SNX29: variants seen among roughly 807,000 people sequenced by gnomAD.
SNX29 encodes sorting nexin-29.
A neutral mutation model predicts 102.1 loss-of-function variants in SNX29; 78 were observed. The observed-to-expected ratio is 0.76, with a 90% CI of 0.64 to 0.92. The LOEUF is 0.92. SNX29 is among the 40% of genes least tolerant of loss of function. The pLI, the probability that SNX29 is intolerant of heterozygous loss-of-function variation, is 0.00. For synonymous variants in SNX29, 580 were observed against 414.5 expected (o/e 1.40, Z -4.85); for missense variants, 1,280 against 1,061.7 (o/e 1.21, Z -2.86).
At chr16:12,420,784 T>G (rs903882240) in intron 18 of SNX29, among the ~76,000 whole-genome samples, 1 of 152,180 alleles carries the variant, frequency 6.6e-6, no homozygotes, top group Non-Finnish European at 1.5e-5. Context: ...GATGGACGCA[T>G]GAGTCACCAA....
intron 18 of SNX29, among the ~76,000 whole-genome samples, chr16:12,437,270 C>G (rs1370753807): frequency 6.6e-6 from 1 of 152,176 alleles, no homozygotes; most frequent in East Asian, 1.9e-4. Flanking sequence ...TGGTCTGTTT[C>G]TTTTCTCTTT....
chr16:12,014,034 T>C (rs999082296), intron 3 of SNX29, among the ~76,000 whole-genome samples: 1 of 152,086 alleles, frequency 6.6e-6, no homozygotes, highest in African/African-American at 2.4e-5. Context: ...TGGCCTCAAG[T>C]GATCCTCCCT....
intron 19 of SNX29, among the ~76,000 whole-genome samples, chr16:12,516,731 A>G (rs1166307016): frequency 1.3e-5 from 2 of 152,326 alleles, no homozygotes; most frequent in African/African-American, 2.4e-5. Flanking sequence ...TGGAAATGCA[A>G]AATCACCTCT....
chr16:12,527,407 C>T, intron 20 of SNX29: 1 of 451,880 alleles, frequency 2.2e-6, no homozygotes, highest in Non-Finnish European at 4.2e-6. Context: ...ACCCCCAAAG[C>T]ATAATTATTC....
At chr16:12,331,131 G>A (rs2081280586) in intron 15 of SNX29, among the ~76,000 whole-genome samples, 1 of 152,206 alleles carries the variant, frequency 6.6e-6, no homozygotes, top group Non-Finnish European at 1.5e-5. Flanking sequence ...GCTGGTATGA[G>A]CTTGGCAGGC....
intron 15 of SNX29, among the ~76,000 whole-genome samples, chr16:12,304,656 G>T (rs1376568042): frequency 6.6e-6 from 1 of 152,186 alleles, no homozygotes; most frequent in Non-Finnish European, 1.5e-5. Context: ...GCCTCCCAAA[G>T]TGTTGGGATT....
intron 19 of SNX29, among the ~76,000 whole-genome samples, chr16:12,488,645 C>G (rs2088376610): frequency 6.6e-6 from 1 of 152,158 alleles, no homozygotes; most frequent in Non-Finnish European, 1.5e-5. Context: ...CGTCCTATGT[C>G]CCTTCACTTC....
At chr16:12,148,760 C>T (rs1288388144) in intron 13 of SNX29, among the ~76,000 whole-genome samples, 5 of 152,072 alleles carry the variant, frequency 3.3e-5, no homozygotes, top group African/African-American at 9.7e-5. Context: ...TACAATGGCA[C>T]GATCTTGGCT....
intron 16 of SNX29, among the ~76,000 whole-genome samples, chr16:12,376,736 C>CAAA (rs71408262): frequency 0.46 from 35,944 of 77,554 alleles, 9,166 homozygotes; most frequent in Non-Finnish European, 0.55. Context: ...GACTCTGTCT[C>CAAA]AAAAAAAAAA....
intron 17 of SNX29, among the ~76,000 whole-genome samples, chr16:12,399,794 T>C (rs1376841919): frequency 6.6e-6 from 1 of 151,784 alleles, no homozygotes. Flanking sequence ...AGGTGAAGGA[T>C]GAAAATCAAA....
chr16:12,476,507 A>G (rs2087660048), intron 18 of SNX29, among the ~76,000 whole-genome samples: 1 of 139,220 alleles, frequency 7.2e-6, no homozygotes, highest in Non-Finnish European at 1.5e-5. Context: ...CAAATTAGAG[A>G]TGGGTATTTC....
At chr16:12,092,368 C>CA (rs1193648344) in intron 11 of SNX29, among the ~76,000 whole-genome samples, 2 of 152,110 alleles carry the variant, frequency 1.3e-5, no homozygotes, top group African/African-American at 4.8e-5. Flanking sequence ...GTGCATTCTG[C>CA]AGGAATGAAT....
At chr16:12,042,296 T>G (rs968588897) in intron 4 of SNX29, among the ~76,000 whole-genome samples, 18 of 152,204 alleles carry the variant, frequency 1.2e-4, no homozygotes, top group African/African-American at 4.3e-4. Flanking sequence ...TCCCAAGTGC[T>G]GGGATTACAG....
At position 12,046,760 on chromosome 16, in the gene SNX29, C is replaced by T. The variant is rs1327440342; in HGVS notation, c.499+306C>T. On this transcript the variant is annotated intron_variant, in intron 6 of 20. Coordinates refer to ENST00000566228, the MANE Select transcript of SNX29 (RefSeq NM_032167.5). ...TCAACCTTCCGAGAAGCTGGGATTA[C>T]GGGCGCCTGCCACCATGACCAGCTA... Among the ~76,000 whole-genome samples, 6 of 152,176 alleles carry T rather than the reference C, an allele frequency of 3.9e-5. No individual in the cohort carries two copies. In the East Asian group the frequency reaches 5.8e-4, roughly 15 times the overall value.
intron 16 of SNX29, among the ~76,000 whole-genome samples, chr16:12,384,106 A>G (rs1244092510): frequency 6.6e-6 from 1 of 152,134 alleles, no homozygotes; most frequent in Non-Finnish European, 1.5e-5. Context: ...CACATTTTCT[A>G]TACCCATTCA....
At chr16:12,393,010 A>C (rs145333245) in intron 16 of SNX29, among the ~76,000 whole-genome samples, 74 of 152,332 alleles carry the variant, frequency 4.9e-4, no homozygotes, top group African/African-American at 1.6e-3. Context: ...TGAGATGAGA[A>C]AGCAAGCGCA....
rs369951476 is a variant in SNX29 at position 12,193,470 on chromosome 16, C to CA, written c.1596-6119dup. ...GGCAACAAGAGTGAAACTCCATCTT[C>CA]AAAAAAAAAAAAGAAAAAGTCTTTC... On this transcript the variant is annotated intron_variant, in intron 13 of 20. Transcript: ENST00000566228. 4.2e-4 allele frequency among the ~76,000 whole-genome samples: 58 copies of CA among 137,430 alleles called. 1 individual carries two copies. Among genetic ancestry groups the CA allele is most frequent in the African/African-American group, 1.4e-3 (54 of 38,196 alleles). 90.2% of individuals were successfully genotyped at this position (137,430 alleles called of 152,430 possible). A position where few individuals can be genotyped will look rare whatever the true frequency, so the allele number is the denominator to read the frequency against.
Position 12,572,164 on chromosome 16 carries a change from A to C in SNX29, c.*3535A>C, listed in dbSNP as rs1218905456. 2.0e-6 allele frequency: 2 copies of C among 985,154 alleles called. No individual in the cohort carries two copies. Among genetic ancestry groups the C allele is most frequent in the Non-Finnish European group, 2.5e-6 (2 of 807,088 alleles). The allele number at this position is 985,154 out of a possible 1,614,324, so 61.0% of individuals were successfully genotyped here. ...GGAGCTTATTAAGATCAATTTTGAT[A>C]ACCATGTAATTTCTTAGAACCATGG... On this transcript the variant is annotated 3_prime_UTR_variant, in exon 21 of 21. Transcript: ENST00000566228.
chr16:12,478,426 C>T (rs932158862), intron 19 of SNX29, among the ~76,000 whole-genome samples: 1 of 152,156 alleles, frequency 6.6e-6, no homozygotes, highest in Non-Finnish European at 1.5e-5. Flanking sequence ...TATGGTTATT[C>T]ACCTCATGAA....
Sources: gnomAD v4.1 joint callset for allele counts (sites outside exome capture counted in the v4.1 genomes callset) on GRCh38, gnomAD v4.1.1 for gene constraint, MANE v1.5 for transcripts, NCBI Gene and HGNC (gene_info 2026-07-23, HGNC 2026-07-21) for gene names.